The following CCDC77 variants were observed in gnomAD, a reference collection of about 807,000 sequenced individuals.
CCDC77 encodes the protein coiled-coil domain containing 77, also known as coiled-coil domain-containing protein 77.
In CCDC77, 56 loss-of-function variants were observed where a neutral mutation model predicts 66.8. The observed-to-expected ratio is 0.84, with a 90% CI of 0.68 to 1.05. The LOEUF is 1.05. Ranked by LOEUF, CCDC77 falls within the 50% of genes least tolerant of loss-of-function variation. The pLI, the probability that CCDC77 is intolerant of heterozygous loss-of-function variation, is 0.00. For missense variants in CCDC77, 570 were observed against 576.8 expected (o/e 0.99, Z 0.12); for synonymous variants, 196 against 195.2 (o/e 1.00, Z -0.03).
chr12:441,081 T>A (rs1945850053), intron 12 of CCDC77, 85 bp downstream of exon 12: 1 of 1,345,918 alleles, frequency 7.4e-7, no homozygotes, highest in East Asian at 2.3e-5. Flanking sequence ...AAAAGAAGGA[T>A]GTGCTGTTTC....
At chr12:437,426 C>G (rs900101755) in intron 9 of CCDC77, among the ~76,000 whole-genome samples, 3 of 152,074 alleles carry the variant, frequency 2.0e-5, no homozygotes, top group African/African-American at 7.2e-5. Flanking sequence ...TAAAATATGA[C>G]AGATGAGCAA....
chr12:411,912 G>A lies in CCDC77; in HGVS notation c.204G>A (p.Glu68=), dbSNP rs370591963. 137 of 1,613,930 alleles carry A rather than the reference G, an allele frequency of 8.5e-5. No individual in the cohort carries two copies. The highest frequency in any genetic ancestry group is 1.1e-4 in the Non-Finnish European group (125 of 1,180,030). ...AATATTATCAAAAGAAGATGGCTGA[G>A]TGTGAGGCAGAAAATGAGGACTTGC... The part of the protein sequence containing the change: ...LLEYYQKKMA[E]CEAENEDLLK... Residue 68 remains glutamate (E), a synonymous_variant, in exon 4 of 13, where the codon GAG becomes GAA. Transcript: ENST00000239830.
At chr12:439,096 CAT>C (rs1272997256) in intron 10 of CCDC77, among the ~76,000 whole-genome samples, 1 of 151,968 alleles carries the variant, frequency 6.6e-6, no homozygotes, top group East Asian at 1.9e-4. Flanking sequence ...CACAAAAAAA[CAT>C]AAATATTTAT....
intron 1 of CCDC77, among the ~76,000 whole-genome samples, chr12:402,679 G>A (rs1386426488): frequency 6.6e-6 from 1 of 152,200 alleles, no homozygotes; most frequent in East Asian, 1.9e-4. Flanking sequence ...TGCTACTGAT[G>A]TATTTTATTA....
intron 4 of CCDC77, among the ~76,000 whole-genome samples, chr12:416,553 T>C (rs1183971486): frequency 6.7e-6 from 1 of 149,986 alleles, no homozygotes; most frequent in Non-Finnish European, 1.5e-5. Flanking sequence ...TAGCTGGGAT[T>C]ATAGGGTGCG....
At chr12:389,347 G>C, upstream of CCDC77, 5 of 623,282 alleles carry the variant, frequency 8.0e-6, no homozygotes, top group Non-Finnish European at 1.5e-5. Flanking sequence ...TGCAGGAAAC[G>C]GAATCCTTCC....
Position 411,993 on chromosome 12 carries a change from CTG to C in CCDC77, c.270+16_270+17del. ...GTGAAGGACAGGTAAAGAAACGATGCTGCTGCTTTAGAACTCTGATGGAGTCT... is the reference window on the plus strand; with the variant it reads ...GTGAAGGACAGGTAAAGAAACGATGCCTGCTTTAGAACTCTGATGGAGTCT... On this transcript the variant is annotated intron_variant, in intron 4 of 12. Transcript: ENST00000239830. 6.3e-7 allele frequency: 1 copy of C among 1,581,442 alleles called. No individual in the cohort carries two copies. Among genetic ancestry groups the C allele is most frequent in the South Asian group, 1.1e-5 (1 of 89,950 alleles).
At chr12:400,042 A>G (rs191593695), upstream of CCDC77, among the ~76,000 whole-genome samples, 98 of 152,388 alleles carry the variant, frequency 6.4e-4, no homozygotes, top group Middle Eastern at 3.4e-3. Flanking sequence ...GCTCTTCTGA[A>G]TAACTTGCTG....
Position 435,125 on chromosome 12 carries a change from G to A in CCDC77, c.821+1803G>A, listed in dbSNP as rs1223568196. Among the ~76,000 whole-genome samples, 2 of 112,870 alleles carry A rather than the reference G, an allele frequency of 1.8e-5. 1 individual carries two copies. Among genetic ancestry groups the A allele is most frequent in the Non-Finnish European group, 3.7e-5 (2 of 54,192 alleles). The allele number at this position is 112,870 out of a possible 152,430, so 74.0% of individuals were successfully genotyped here. On this transcript the variant is annotated intron_variant, in intron 9 of 12. Coordinates refer to ENST00000239830, the MANE Select transcript of CCDC77 (RefSeq NM_032358.4). The stretch of plus-strand genomic sequence containing the variant: ...CCCCGTCTCAAGCCTACTTCTTTCT[G>A]TTTTTCATCTAGTTTCATGGTATCA...
Position 423,470 on chromosome 12 carries a change from G to GT in CCDC77, c.413+4840dup, listed in dbSNP as rs1307027692. Among the ~76,000 whole-genome samples the GT allele has an allele frequency of 6.1e-3, 273 of 44,842 alleles. 39 individuals carry two copies. The highest frequency in any genetic ancestry group is 0.016 in the East Asian group (14 of 880). 29.4% of individuals were successfully genotyped at this position (44,842 alleles called of 152,430 possible). ...TTGTTATTTTCTGGGTGTTTTTTGT[G>GT]TTTTTTGTGTTTTTTTTTGTTTTGT... is the stretch of plus-strand genomic sequence containing the variant. On this transcript the variant is annotated intron_variant, in intron 5 of 12. Coordinates refer to ENST00000239830, the MANE Select transcript of CCDC77 (RefSeq NM_032358.4).
intron 8 of CCDC77, among the ~76,000 whole-genome samples, chr12:432,673 G>A (rs913493538): frequency 6.6e-6 from 1 of 152,190 alleles, no homozygotes; most frequent in Non-Finnish European, 1.5e-5. Context: ...AGCTTTGTTT[G>A]TGTGTTGTAG....
At chr12:438,229 AT>A in intron 9 of CCDC77, 105 bp from the exon 10 acceptor site, 1 of 776,524 alleles carries the variant, frequency 1.3e-6, no homozygotes, top group Non-Finnish European at 2.1e-6. Flanking sequence ...AAATTTATAT[AT>A]CACACCATTT....
chr12:436,922 TTGAAAG>T (rs747915482), intron 9 of CCDC77: 2 of 198,102 alleles, frequency 1.0e-5, no homozygotes, highest in Non-Finnish European at 1.8e-5. Context: ...AAATAACTCA[TTGAAAG>T]TGAGAGAGAC....
At chr12:412,034 A>C (rs923360047) in intron 4 of CCDC77, 56 bp downstream of exon 4, 1 of 1,298,758 alleles carries the variant, frequency 7.7e-7, no homozygotes, top group Non-Finnish European at 1.1e-6. Context: ...TAAATTAGAG[A>C]TGCCCTACAA....
rs748373570 is a variant in CCDC77 at position 432,665 on chromosome 12, CTTTG to C, written c.673-503_673-500del. Among the ~76,000 whole-genome samples the C allele has an allele frequency of 5.3e-4, 80 of 152,254 alleles. 1 individual carries two copies. The highest frequency in any genetic ancestry group is 1.8e-3 in the African/African-American group (74 of 41,554). ...AGGGTGAGAAAACTGGATTTTGTAG[CTTTG>C]TTTGTGTGTTGTAGATGCTGGGTTT... On this transcript the variant is annotated intron_variant, in intron 8 of 12. Transcript: ENST00000239830.
intron 1 of CCDC77, chr12:389,600 G>A (rs1268762200): frequency 7.4e-6 from 2 of 271,752 alleles, no homozygotes; most frequent in Admixed American, 5.0e-5. Context: ...GCGACGCGAC[G>A]TGACGCTTTC....
At chr12:423,470 G>GTTTTT (rs1307027692) in intron 5 of CCDC77, among the ~76,000 whole-genome samples, 765 of 44,810 alleles carry the variant, frequency 0.017, 82 homozygotes, top group African/African-American at 0.049. Context: ...TGTTTTTTGT[G>GTTTTT]TTTTTTGTGT....
chr12:432,493 A>G (rs563137236), intron 8 of CCDC77, among the ~76,000 whole-genome samples: 4 of 152,278 alleles, frequency 2.6e-5, no homozygotes, highest in East Asian at 3.9e-4. Context: ...AGTCATGACA[A>G]CCAGACACAG....
intron 4 of CCDC77, among the ~76,000 whole-genome samples, chr12:415,987 G>A (rs557424337): frequency 6.6e-6 from 1 of 151,840 alleles, no homozygotes; most frequent in East Asian, 1.9e-4. Context: ...TGTACTTTTA[G>A]TAGGGACTGG....
Sources: gnomAD v4.1 joint callset for allele counts (sites outside exome capture counted in the v4.1 genomes callset) on GRCh38, gnomAD v4.1.1 for gene constraint, MANE v1.5 for transcripts, NCBI Gene and HGNC (gene_info 2026-07-23, HGNC 2026-07-21) for gene names.